COPG2: variants seen among roughly 807,000 people sequenced by gnomAD.
COPG2 encodes coat protein complex I subunit gamma 2.
A neutral mutation model predicts 46.3 loss-of-function variants in COPG2; 37 were observed. That is an observed-to-expected ratio of 0.80 (90% confidence interval 0.61 to 1.05). The LOEUF (loss-of-function observed/expected upper bound fraction) is 1.05, where lower values mean the gene tolerates loss of function less well. Ranked by LOEUF, COPG2 falls within the 50% of genes least tolerant of loss-of-function variation. The pLI, the probability that COPG2 is intolerant of heterozygous loss-of-function variation, is 0.00. For synonymous variants in COPG2, 159 were observed against 129.7 expected (o/e 1.23, Z -1.53); for missense variants, 427 against 387.8 (o/e 1.10, Z -0.85).
chr7:130,521,441 A>G (rs968939679), intron 20 of COPG2, among the ~76,000 whole-genome samples: 118,622 of 151,528 alleles, frequency 0.78, 46,842 homozygotes, highest in Non-Finnish European at 0.85. Context: ...AGTGAATAGC[A>G]AACAGAAGGA....
chr7:130,530,044 A>G (rs1174493887), intron 20 of COPG2, among the ~76,000 whole-genome samples: 1 of 152,146 alleles, frequency 6.6e-6, no homozygotes, highest in Non-Finnish European at 1.5e-5. Context: ...GGAGAGGGTC[A>G]GGGTGTCGGG....
At chr7:130,615,274 C>T (rs1794930733) in intron 6 of COPG2, among the ~76,000 whole-genome samples, 1 of 152,210 alleles carries the variant, frequency 6.6e-6, no homozygotes, top group Admixed American at 6.5e-5. Flanking sequence ...TGGATTATCG[C>T]TCCTGTTGGG....
At chr7:130,624,542 T>C (rs1433475019) in intron 5 of COPG2, among the ~76,000 whole-genome samples, 1 of 152,138 alleles carries the variant, frequency 6.6e-6, no homozygotes, top group Admixed American at 6.5e-5. Context: ...CGGTACCCAA[T>C]ATGTAGTCTT....
At chr7:130,659,505 A>G (rs1305328562) in intron 4 of COPG2, among the ~76,000 whole-genome samples, 1 of 152,176 alleles carries the variant, frequency 6.6e-6, no homozygotes, top group Admixed American at 6.5e-5. Flanking sequence ...TACCAATGGG[A>G]GAATGGATAA....
rs1554452476 is a variant in COPG2 at position 130,613,621 on chromosome 7, C to T, written c.415G>A (p.Ala139Thr). The T allele has an allele frequency of 6.3e-7, 1 of 1,598,446 alleles. No homozygotes were observed. Among genetic ancestry groups the T allele is most frequent in the African/African-American group, 1.3e-5 (1 of 74,874 alleles). Residue 139 changes from alanine (A) to threonine (T), a missense_variant, in exon 7 of 24, where the codon GCC becomes ACC. By Grantham distance (58) the Ala-to-Thr change is moderately conservative. Coordinates refer to ENST00000425248, the MANE Select transcript of COPG2 (RefSeq NM_012133.6). ...GCCTGCTTCATGTATCTTTCAATGG[C>T]TTGCAACATTGTTCCCTAATAACAT... Reference protein sequence around the residue: ...CRITDGTMLQAIERYMKQAIV... With the variant: ...CRITDGTMLQTIERYMKQAIV...
At chr7:130,523,853 A>G (rs1799749578) in intron 20 of COPG2, among the ~76,000 whole-genome samples, 1 of 151,694 alleles carries the variant, frequency 6.6e-6, no homozygotes, top group African/African-American at 2.4e-5. Flanking sequence ...AGGAGGGAGG[A>G]GGCAGGAGGA....
intron 9 of COPG2, chr7:130,605,708 C>T (rs1794715512): frequency 9.6e-6 from 5 of 518,818 alleles, no homozygotes; most frequent in Non-Finnish European, 1.5e-5. Flanking sequence ...TGAATTTGGC[C>T]AACGACTTAA....
At chr7:130,636,171 T>C (rs1355886941) in intron 5 of COPG2, among the ~76,000 whole-genome samples, 1 of 152,212 alleles carries the variant, frequency 6.6e-6, no homozygotes, top group African/African-American at 2.4e-5. Flanking sequence ...GAGAAGAATG[T>C]ATATTCCGTT....
At chr7:130,586,748 C>T (rs1554448062) in intron 9 of COPG2, among the ~76,000 whole-genome samples, 1 of 151,968 alleles carries the variant, frequency 6.6e-6, no homozygotes, top group Non-Finnish European at 1.5e-5. Flanking sequence ...AGGCGTGAGC[C>T]ACCGTGCCCA....
Position 130,667,552 on chromosome 7 carries a change from CA to C in COPG2, c.38-19del. On this transcript the variant is annotated intron_variant, in intron 1 of 23. Coordinates refer to ENST00000425248, the MANE Select transcript of COPG2 (RefSeq NM_012133.6). ...GCCACTACCTATTTATAAAACAAAA[CA>C]AAAAAATGTCCTGAACAGCTGTTCT... 7.5e-6 allele frequency: 12 copies of C among 1,606,068 alleles called. No homozygotes were observed. The highest frequency in any genetic ancestry group is 1.3e-5 in the African/African-American group (1 of 74,614).
chr7:130,540,596 T>C (rs1799926240), intron 20 of COPG2, among the ~76,000 whole-genome samples: 1 of 151,598 alleles, frequency 6.6e-6, no homozygotes, highest in African/African-American at 2.4e-5. Flanking sequence ...AAAGGGCAAA[T>C]AGGGAAGGAA....
chr7:130,564,449 C>T (rs997453346), intron 9 of COPG2, 56 bp from the exon 10 acceptor site: 8 of 398,166 alleles, frequency 2.0e-5, no homozygotes, highest in Non-Finnish European at 3.1e-5. Flanking sequence ...AGGCAATATG[C>T]ATAGGGATTA....
chr7:130,561,392 A>C (rs1793716733), intron 11 of COPG2, among the ~76,000 whole-genome samples, 171 bp from the exon 12 acceptor site: 1 of 152,206 alleles, frequency 6.6e-6, no homozygotes, highest in African/African-American at 2.4e-5. Flanking sequence ...TTAATAAATG[A>C]TCAACGGCCA....
Position 130,668,687 on chromosome 7 carries a change from G to T in COPG2, c.-19C>A. ...TAATCATCTTGGACGACTTCCCAGC[G>T]CCCAGACCCACCGCAACCGTCCCAG... On this transcript the variant is annotated 5_prime_UTR_variant, in exon 1 of 24. Transcript: ENST00000425248. 6.5e-7 allele frequency: 1 copy of T among 1,528,208 alleles called. No homozygotes were observed. The highest frequency in any genetic ancestry group is 8.8e-7 in the Non-Finnish European group (1 of 1,138,900). 94.7% of individuals were successfully genotyped at this position (1,528,208 alleles called of 1,614,324 possible). A position where few individuals can be genotyped will look rare whatever the true frequency, so the allele number is the denominator to read the frequency against.
Position 130,506,498 on chromosome 7 carries a change from AAAC to A in COPG2, c.*175_*177del. On this transcript the variant is annotated 3_prime_UTR_variant, in exon 24 of 24. Coordinates refer to ENST00000425248, the MANE Select transcript of COPG2 (RefSeq NM_012133.6). ...GTAGAATAAAAAGAAAAAAAAAAAAAAACAACCCATGCGCAAAGATAGACATTT... is the reference window on the plus strand; with the variant it reads ...GTAGAATAAAAAGAAAAAAAAAAAAAAACCCATGCGCAAAGATAGACATTT... The A allele has an allele frequency of 9.0e-6, 4 of 446,300 alleles. No homozygotes were observed. Among genetic ancestry groups the A allele is most frequent in the Non-Finnish European group, 1.6e-5 (4 of 251,122 alleles). 27.6% of individuals were successfully genotyped at this position (446,300 alleles called of 1,614,324 possible).
chr7:130,523,973 A>T (rs1295459665), intron 20 of COPG2, among the ~76,000 whole-genome samples: 1 of 150,632 alleles, frequency 6.6e-6, no homozygotes, highest in Non-Finnish European at 1.5e-5. Flanking sequence ...CAGGGGGATG[A>T]GGGTGGGTAG....
At chr7:130,507,880 A>G (rs895308823) in intron 21 of COPG2, 57 bp from the exon 22 acceptor site, 2 of 764,086 alleles carry the variant, frequency 2.6e-6, no homozygotes, top group African/African-American at 1.7e-5. Flanking sequence ...GGGCAAAGAT[A>G]AAGGAACTAG....
At chr7:130,587,841 T>C (rs1237618908) in intron 9 of COPG2, among the ~76,000 whole-genome samples, 8 of 152,040 alleles carry the variant, frequency 5.3e-5, no homozygotes, top group South Asian at 2.1e-4. Flanking sequence ...GAAACCACCA[T>C]CAGAGTGAAT....
chr7:130,538,139 G>A (rs1352142842), intron 20 of COPG2, among the ~76,000 whole-genome samples: 2 of 152,116 alleles, frequency 1.3e-5, no homozygotes, highest in East Asian at 3.9e-4. Context: ...TGAGTCTGTG[G>A]ATTGACCTGG....
Sources: gnomAD v4.1 joint callset for allele counts (sites outside exome capture counted in the v4.1 genomes callset) on GRCh38, gnomAD v4.1.1 for gene constraint, MANE v1.5 for transcripts, NCBI Gene and HGNC (gene_info 2026-07-23, HGNC 2026-07-21) for gene names.